The following SLC8A1 variants were observed in gnomAD, a reference collection of about 807,000 sequenced individuals.
SLC8A1 encodes solute carrier family 8 member A1.
Under a neutral mutation model 68.3 loss-of-function variants are expected in SLC8A1, and 18 were observed. The ratio of observed to expected loss-of-function variants is 0.26; its 90% CI spans 0.18 to 0.39. SLC8A1 has a LOEUF of 0.39. Ranked by LOEUF, SLC8A1 falls within the 10% of genes least tolerant of loss-of-function variation. The pLI, the probability that SLC8A1 is intolerant of heterozygous loss-of-function variation, is 1.00. For synonymous variants in SLC8A1, 475 were observed against 415.5 expected (o/e 1.14, Z -1.74); for missense variants, 985 against 1,156.7 (o/e 0.85, Z 2.15).
intron 2 of SLC8A1, among the ~76,000 whole-genome samples, chr2:40,383,948 A>G (rs917722954): frequency 1.3e-5 from 2 of 152,140 alleles, no homozygotes; most frequent in East Asian, 1.9e-4. Context: ...GAACTTTACA[A>G]TTCACTATAA....
Position 40,310,575 on chromosome 2 carries a change from A to G in SLC8A1, c.1808+117898T>C, listed in dbSNP as rs893544256. On this transcript the variant is annotated intron_variant, in intron 2 of 7. Transcript: ENST00000406785. The stretch of plus-strand genomic sequence containing the variant: ...GCCCTGACTCAGGCCATGTGACTTC[A>G]GAGTTCTCTGTCACAGAAGCATAGA... Among the ~76,000 whole-genome samples the G allele has an allele frequency of 5.9e-5, 9 of 152,152 alleles. 1 individual carries two copies. The highest frequency in any genetic ancestry group is 5.9e-4 in the Admixed American group (9 of 15,274).
At chr2:40,272,965 T>C (rs1559049050) in intron 2 of SLC8A1, among the ~76,000 whole-genome samples, 1 of 152,150 alleles carries the variant, frequency 6.6e-6, no homozygotes, top group Non-Finnish European at 1.5e-5. Flanking sequence ...GTTTTTGAGA[T>C]GGAGTCTCAC....
At chr2:40,439,376 G>A (rs1262449312) in intron 1 of SLC8A1, among the ~76,000 whole-genome samples, 2 of 152,080 alleles carry the variant, frequency 1.3e-5, no homozygotes, top group Non-Finnish European at 2.9e-5. Context: ...ACCCCAAAAT[G>A]AAGTACTGGG....
intron 2 of SLC8A1, among the ~76,000 whole-genome samples, chr2:40,347,316 A>T (rs947609875): frequency 1.3e-5 from 2 of 152,188 alleles, no homozygotes; most frequent in South Asian, 2.1e-4. Context: ...CTTCTTCTAA[A>T]CTATCAACCT....
chr2:40,220,238 G>A (rs546552272), intron 2 of SLC8A1: 2 of 152,034 alleles, frequency 1.3e-5, no homozygotes, highest in African/African-American at 4.8e-5. Flanking sequence ...GGAAAACAGT[G>A]GAGAGAAGAA....
intron 1 of SLC8A1, among the ~76,000 whole-genome samples, chr2:40,486,026 C>CAGT (rs1704946862): frequency 6.6e-6 from 1 of 152,144 alleles, no homozygotes; most frequent in Non-Finnish European, 1.5e-5. Context: ...GGGAAGGACA[C>CAGT]AGTGGGAGTT....
chr2:40,328,840 C>A (rs374795558), intron 2 of SLC8A1, among the ~76,000 whole-genome samples: 3 of 152,120 alleles, frequency 2.0e-5, no homozygotes, highest in African/African-American at 7.2e-5. Flanking sequence ...CCCATCTGAT[C>A]TGCTTGCCTC....
At chr2:40,337,155 T>TTTACAG (rs1666228858) in intron 2 of SLC8A1, among the ~76,000 whole-genome samples, 1 of 152,188 alleles carries the variant, frequency 6.6e-6, no homozygotes. Context: ...CTGACCATAG[T>TTTACAG]TTACAGTGCT....
chr2:40,493,262 G>A (rs916175901), intron 1 of SLC8A1, among the ~76,000 whole-genome samples: 17 of 147,486 alleles, frequency 1.2e-4, no homozygotes, highest in African/African-American at 3.0e-4. Context: ...ACCAAACACC[G>A]CATATTCTCA....
intron 2 of SLC8A1, chr2:40,337,254 C>A: frequency 3.3e-6 from 1 of 298,840 alleles, no homozygotes; most frequent in Non-Finnish European, 7.4e-6. Flanking sequence ...GATATTTATA[C>A]ATCAAATGTA....
chr2:40,282,681 G>A (rs1173667486), intron 2 of SLC8A1, among the ~76,000 whole-genome samples: 1 of 152,098 alleles, frequency 6.6e-6, no homozygotes, highest in African/African-American at 2.4e-5. Context: ...GGCCGGGGAG[G>A]AATCTCATTC....
At chr2:40,317,629 C>T (rs1406708157) in intron 2 of SLC8A1, among the ~76,000 whole-genome samples, 1 of 151,944 alleles carries the variant, frequency 6.6e-6, no homozygotes, top group Non-Finnish European at 1.5e-5. Context: ...AAATGTTATA[C>T]TGCATTGTGC....
chr2:40,305,074 T>G (rs2072314667), intron 2 of SLC8A1, among the ~76,000 whole-genome samples: 1 of 152,176 alleles, frequency 6.6e-6, no homozygotes, highest in South Asian at 2.1e-4. Flanking sequence ...ACTTCCCAGG[T>G]GATAGCCATT....
intron 2 of SLC8A1, among the ~76,000 whole-genome samples, chr2:40,178,166 C>A (rs1352478041): frequency 3.3e-5 from 5 of 152,248 alleles, no homozygotes; most frequent in Non-Finnish European, 5.9e-5. Context: ...GCTTGATTGA[C>A]TGCCCTGAAA....
At chr2:40,146,631 G>GA (rs201613804) in intron 6 of SLC8A1, among the ~76,000 whole-genome samples, 1,559 of 134,330 alleles carry the variant, frequency 0.012, 27 homozygotes, top group African/African-American at 0.044. Flanking sequence ...ATCTTTGGGG[G>GA]ATGGGAGGCA....
upstream of SLC8A1, among the ~76,000 whole-genome samples, chr2:40,452,753 CAG>C (rs902185004): frequency 5.3e-5 from 8 of 150,370 alleles, no homozygotes; most frequent in East Asian, 3.9e-4. Flanking sequence ...CACAAGCAAA[CAG>C]AGATATTCGG....
At chr2:40,152,970 C>CT (rs1402176033) in intron 6 of SLC8A1, among the ~76,000 whole-genome samples, 1 of 151,888 alleles carries the variant, frequency 6.6e-6, no homozygotes, top group Non-Finnish European at 1.5e-5. Context: ...GAGACCCCAT[C>CT]TTTTTTAAAA....
intron 2 of SLC8A1, 35 bp downstream of exon 2, chr2:40,428,438 C>T (rs1697440143): frequency 1.4e-6 from 2 of 1,477,004 alleles, no homozygotes; most frequent in South Asian, 1.4e-5. Context: ...CACACACACA[C>T]ACACACACAC....
Sources: allele counts gnomAD v4.1 joint callset (sites outside exome capture counted in the v4.1 genomes callset), GRCh38; gene constraint gnomAD v4.1.1; transcripts MANE v1.5; gene names NCBI Gene and HGNC (gene_info 2026-07-23, HGNC 2026-07-21).